Variants in VWA8 observed in about 807,000 individuals in gnomAD.
VWA8 encodes von Willebrand factor A domain containing 8, also known as von Willebrand factor A domain-containing protein 8.
Under a neutral mutation model 241.5 loss-of-function variants are expected in VWA8, and 221 were observed. The ratio of observed to expected loss-of-function variants is 0.91; its 90% CI spans 0.82 to 1.02. The LOEUF (loss-of-function observed/expected upper bound fraction) is 1.02, where lower values mean the gene tolerates loss of function less well. Among genes scored for constraint, VWA8 ranks in the 50% least tolerant of loss-of-function variants. The pLI is 0.00. For missense variants in VWA8, 2,322 were observed against 2,328.7 expected, an observed-to-expected ratio of 1.00 and a Z score of 0.06; for synonymous variants, 852 against 827.1, an observed-to-expected ratio of 1.03 and a Z score of -0.52.
chr13:41,656,249 C>T (rs1232440112), intron 37 of VWA8, among the ~76,000 whole-genome samples: 1 of 152,206 alleles, frequency 6.6e-6, no homozygotes, highest in Non-Finnish European at 1.5e-5. Context: ...TCCTCTTTGG[C>T]TTGTGCAAAA....
chr13:41,887,061 T>C (rs1465118351), intron 6 of VWA8, 136 bp downstream of exon 6: 10 of 1,114,148 alleles, frequency 9.0e-6, no homozygotes, highest in Non-Finnish European at 1.1e-5. Context: ...AGCTTTTCTT[T>C]ACTCTTTATT....
intron 12 of VWA8, among the ~76,000 whole-genome samples, chr13:41,859,104 C>T (rs1025053568): frequency 1.4e-5 from 2 of 146,108 alleles, no homozygotes; most frequent in African/African-American, 5.0e-5. Context: ...AAAAAGTCAG[C>T]GTCAAAAAAA....
chr13:41,773,443 T>A (rs2137923461), intron 20 of VWA8, among the ~76,000 whole-genome samples: 1 of 152,184 alleles, frequency 6.6e-6, no homozygotes, highest in African/African-American at 2.4e-5. Flanking sequence ...AAATATACAT[T>A]CCCAAATATA....
intron 8 of VWA8, among the ~76,000 whole-genome samples, chr13:41,884,093 A>G (rs926176192): frequency 5.9e-5 from 9 of 152,206 alleles, no homozygotes; most frequent in African/African-American, 2.2e-4. Flanking sequence ...TTAACATGAT[A>G]TGAAGTGTGA....
At position 41,659,961 on chromosome 13, in the gene VWA8, T is replaced by C. The variant is rs36093708; in HGVS notation, c.4611+10985A>G. Among the ~76,000 whole-genome samples the C allele has an allele frequency of 6.5e-3, 992 of 152,330 alleles. 6 individuals are homozygous for C. The highest frequency in any genetic ancestry group is 0.016 in the South Asian group (76 of 4,826). ...GAATAATGAGGTTTCTCTACTTTTC[T>C]CCATGCCACCTTGATGTCTGTTTTC... is the stretch of plus-strand genomic sequence containing the variant. On this transcript the variant is annotated intron_variant, in intron 37 of 44. Coordinates refer to ENST00000379310, the MANE Select transcript of VWA8 (RefSeq NM_015058.2).
chr13:41,723,996 G>C (rs1236433903), intron 24 of VWA8, among the ~76,000 whole-genome samples: 1 of 152,150 alleles, frequency 6.6e-6, no homozygotes, highest in Non-Finnish European at 1.5e-5. Context: ...AGTTATTAAG[G>C]TAAGAAACCA....
intron 37 of VWA8, among the ~76,000 whole-genome samples, chr13:41,646,237 A>T (rs775888302): frequency 1.6e-4 from 25 of 152,246 alleles, no homozygotes; most frequent in Non-Finnish European, 2.9e-4. Context: ...AAGTGCTGGG[A>T]TTACAGGTGT....
At chr13:41,891,199 A>G (rs1321635662) in intron 5 of VWA8, among the ~76,000 whole-genome samples, 4 of 134,214 alleles carry the variant, frequency 3.0e-5, no homozygotes, top group African/African-American at 1.1e-4. Flanking sequence ...TATTAGACTG[A>G]CCAAAAAAAA....
chr13:41,573,048 G>T (rs182806617), intron 43 of VWA8, among the ~76,000 whole-genome samples: 2 of 145,734 alleles, frequency 1.4e-5, no homozygotes, highest in Non-Finnish European at 3.0e-5. Context: ...GGCGCAGGTT[G>T]TAGTGAGCTG....
chr13:41,690,025 A>G (rs2045165075), intron 33 of VWA8, 141 bp downstream of exon 33: 2 of 579,840 alleles, frequency 3.4e-6, no homozygotes, highest in Non-Finnish European at 2.8e-6. Context: ...CTTATTTACT[A>G]TTTCTGGTGT....
intron 2 of VWA8, among the ~76,000 whole-genome samples, chr13:41,937,667 T>C (rs1362658759): frequency 1.3e-5 from 2 of 152,216 alleles, no homozygotes; most frequent in African/African-American, 4.8e-5. Flanking sequence ...CATGTAGGTT[T>C]GTGTAAGTAC....
intron 21 of VWA8, among the ~76,000 whole-genome samples, chr13:41,746,155 G>A (rs1444652559): frequency 6.6e-6 from 1 of 152,078 alleles, no homozygotes; most frequent in Non-Finnish European, 1.5e-5. Flanking sequence ...GATAAATTTG[G>A]ATATGTGTTA....
intron 2 of VWA8, among the ~76,000 whole-genome samples, chr13:41,924,869 A>G (rs953193350): frequency 4.4e-4 from 67 of 151,250 alleles, no homozygotes; most frequent in African/African-American, 1.6e-3. Flanking sequence ...CCATTAACTC[A>G]TCATTTCCCA....
intron 2 of VWA8, among the ~76,000 whole-genome samples, chr13:41,913,337 T>C (rs1474996957): frequency 6.6e-6 from 1 of 152,222 alleles, no homozygotes; most frequent in Non-Finnish European, 1.5e-5. Flanking sequence ...GCTTCAAGGA[T>C]ATTGGTAATA....
At chr13:41,760,602 C>A (rs2045732180) in intron 21 of VWA8, among the ~76,000 whole-genome samples, 1 of 151,732 alleles carries the variant, frequency 6.6e-6, no homozygotes, top group Non-Finnish European at 1.5e-5. Flanking sequence ...ACTCATAAAG[C>A]TAAAAATGAC....
chr13:41,769,723 AT>A (rs2045805299), intron 20 of VWA8, among the ~76,000 whole-genome samples: 1 of 152,182 alleles, frequency 6.6e-6, no homozygotes, highest in Non-Finnish European at 1.5e-5. Flanking sequence ...TTGAGCAAAT[AT>A]TTTTACCTTT....
intron 12 of VWA8, among the ~76,000 whole-genome samples, chr13:41,864,429 A>C (rs1392921913): frequency 6.6e-6 from 1 of 152,188 alleles, no homozygotes; most frequent in East Asian, 1.9e-4. Flanking sequence ...AAACAACCCC[A>C]AGGTCCATCA....
intron 17 of VWA8, among the ~76,000 whole-genome samples, chr13:41,799,739 T>A (rs1028880187): frequency 6.6e-6 from 1 of 152,218 alleles, no homozygotes; most frequent in African/African-American, 2.4e-5. Context: ...TATTGCTTTT[T>A]ACTTCATTTC....
chr13:41,768,481 A>G (rs1286504895), intron 20 of VWA8, among the ~76,000 whole-genome samples: 1 of 152,226 alleles, frequency 6.6e-6, no homozygotes, highest in Non-Finnish European at 1.5e-5. Context: ...AATGAGATAC[A>G]AAGAATTAGT....
Sources: gnomAD v4.1 joint callset for allele counts (sites outside exome capture counted in the v4.1 genomes callset) on GRCh38, gnomAD v4.1.1 for gene constraint, MANE v1.5 for transcripts, NCBI Gene and HGNC (gene_info 2026-07-23, HGNC 2026-07-21) for gene names.